The following FAAH2 variants were observed in gnomAD, a reference collection of about 807,000 sequenced individuals.
FAAH2 encodes fatty acid amide hydrolase 2.
FAAH2 carries 60 observed loss-of-function variants against 36.9 expected under a neutral mutation model. The observed-to-expected ratio is 1.63, with a 90% CI of 1.32 to 2.02. The LOEUF is 2.02. Ranked by LOEUF, FAAH2 falls within the 30% of genes most tolerant of loss-of-function variation. The pLI is 0.00. For missense variants in FAAH2, 689 were observed against 397.5 expected (o/e 1.73, Z -6.23); for synonymous variants, 214 against 143.8 (o/e 1.49, Z -3.49).
chrX:57,283,250 G>A (rs2051770635), upstream of FAAH2, among the ~76,000 whole-genome samples: 1 of 111,509 alleles, frequency 9.0e-6, no homozygotes, highest in Non-Finnish European at 1.9e-5. Context: ...AGTGGCAGGG[G>A]CAGAAAGGCT....
At chrX:57,288,338 CTTTTTTTTTT>C (rs771871081) in intron 1 of FAAH2, among the ~76,000 whole-genome samples, 5 of 40,361 alleles carry the variant, frequency 1.2e-4, no homozygotes, top group African/African-American at 5.5e-4. Flanking sequence ...AAAAACATTT[CTTTTTTTTTT>C]TTTTTTTTTT....
chrX:57,468,481 G>A (rs980418660), intron 10 of FAAH2, among the ~76,000 whole-genome samples: 17 of 111,895 alleles, frequency 1.5e-4, no homozygotes, highest in African/African-American at 4.9e-4. Context: ...TTGATCAAAC[G>A]GAAGAAAGGG....
intron 2 of FAAH2, among the ~76,000 whole-genome samples, chrX:57,302,560 GAGAAGGTT>G (rs2052404294): frequency 9.0e-6 from 1 of 110,780 alleles, no homozygotes; most frequent in African/African-American, 3.3e-5. Context: ...TGGTATCATA[GAGAAGGTT>G]ACTGATCCAA....
At chrX:57,382,646 T>G (rs1489484527) in intron 7 of FAAH2, among the ~76,000 whole-genome samples, 1 of 111,599 alleles carries the variant, frequency 9.0e-6, no homozygotes, top group Admixed American at 9.5e-5. Context: ...AATCTCTGAA[T>G]AGACCAATAA....
intron 2 of FAAH2, among the ~76,000 whole-genome samples, chrX:57,306,256 G>A (rs917304137): frequency 9.0e-6 from 1 of 111,509 alleles, no homozygotes; most frequent in Non-Finnish European, 1.9e-5. Context: ...CCCCCAGAAT[G>A]TGTAACACTT....
chrX:57,164,286 G>A, the FAAH2 span, among the ~76,000 whole-genome samples: 1 of 111,959 alleles, frequency 8.9e-6, no homozygotes, highest in Non-Finnish European at 1.9e-5. Context: ...CTTCCTGTAG[G>A]TGCCCAATGG....
At chrX:57,423,700 TG>T (rs1416333989) in intron 7 of FAAH2, among the ~76,000 whole-genome samples, 1 of 111,392 alleles carries the variant, frequency 9.0e-6, no homozygotes, top group Non-Finnish European at 1.9e-5. Context: ...AACTCCTGTC[TG>T]GGCTGGTGCT....
the FAAH2 span, among the ~76,000 whole-genome samples, chrX:57,187,794 G>T: frequency 1.8e-5 from 2 of 110,981 alleles, no homozygotes; most frequent in Non-Finnish European, 3.8e-5. Flanking sequence ...GAATTTTATC[G>T]GAGGTCTTTT....
intron 5 of FAAH2, among the ~76,000 whole-genome samples, chrX:57,349,570 A>C (rs1231173681): frequency 9.5e-6 from 1 of 105,398 alleles, no homozygotes; most frequent in Non-Finnish European, 1.9e-5. Flanking sequence ...TATCTATTTT[A>C]AAACAGGAAT....
intron 2 of FAAH2, among the ~76,000 whole-genome samples, chrX:57,308,952 C>A (rs1225761794): frequency 1.8e-5 from 2 of 111,947 alleles, no homozygotes; most frequent in Non-Finnish European, 3.8e-5. Flanking sequence ...ATCTTAAAAG[C>A]ATAGACATTA....
chrX:57,248,897 G>A, the FAAH2 span, among the ~76,000 whole-genome samples: 1 of 79,947 alleles, frequency 1.3e-5, no homozygotes, highest in African/African-American at 5.0e-5. Flanking sequence ...TATCTTCTTT[G>A]CTTATTCCAA....
At chrX:57,422,574 T>C (rs2056064395) in intron 7 of FAAH2, among the ~76,000 whole-genome samples, 1 of 111,779 alleles carries the variant, frequency 8.9e-6, no homozygotes, top group Admixed American at 9.5e-5. Context: ...GAAATGAATG[T>C]CAGCTAAACC....
the FAAH2 span, among the ~76,000 whole-genome samples, chrX:57,246,788 T>A: frequency 8.9e-6 from 1 of 111,751 alleles, no homozygotes; most frequent in Non-Finnish European, 1.9e-5. Context: ...GAGTATGCAG[T>A]AAAAATAATT....
chrX:57,140,268 A>C, the FAAH2 span, among the ~76,000 whole-genome samples: 1 of 109,670 alleles, frequency 9.1e-6, no homozygotes, highest in African/African-American at 3.3e-5. Flanking sequence ...ATAAAATCAT[A>C]TTATCTGCAA....
chrX:57,442,437 CT>C (rs765223416), intron 8 of FAAH2, among the ~76,000 whole-genome samples: 2 of 110,663 alleles, frequency 1.8e-5, no homozygotes, highest in African/African-American at 3.3e-5. Context: ...GCAACCTCTG[CT>C]TTTTTTTGTT....
chrX:57,230,977 T>G, the FAAH2 span, among the ~76,000 whole-genome samples: 1 of 110,164 alleles, frequency 9.1e-6, no homozygotes, highest in Non-Finnish European at 1.9e-5. Flanking sequence ...ATACTCTATT[T>G]TAAATATTAT....
intron 10 of FAAH2, among the ~76,000 whole-genome samples, chrX:57,457,328 C>T (rs759959405): frequency 2.7e-5 from 3 of 111,298 alleles, no homozygotes; most frequent in Non-Finnish European, 3.8e-5. Flanking sequence ...CTACGACAAA[C>T]CCACAGCCAA....
chrX:57,482,249 T>C (rs1304233482), intron 10 of FAAH2, among the ~76,000 whole-genome samples: 1 of 111,332 alleles, frequency 9.0e-6, no homozygotes, highest in Non-Finnish European at 1.9e-5. Context: ...GAGTGAACAG[T>C]TGTGTCTCAC....
the FAAH2 span, among the ~76,000 whole-genome samples, chrX:57,202,498 CT>C: frequency 8.9e-6 from 1 of 111,919 alleles, no homozygotes; most frequent in South Asian, 3.7e-4. Flanking sequence ...TGGAGTTTCT[CT>C]CTCTGTTTTA....
Sources: gnomAD v4.1 joint callset for allele counts (sites outside exome capture counted in the v4.1 genomes callset) on GRCh38, gnomAD v4.1.1 for gene constraint, MANE v1.5 for transcripts, NCBI Gene and HGNC (gene_info 2026-07-23, HGNC 2026-07-21) for gene names.